The following DGKB variants were observed in gnomAD, a reference collection of about 807,000 sequenced individuals.
DGKB encodes the protein 90 kDa diacylglycerol kinase.
A neutral mutation model predicts 114.3 loss-of-function variants in DGKB; 67 were observed. That is an observed-to-expected ratio of 0.59 (90% confidence interval 0.48 to 0.72). The LOEUF (loss-of-function observed/expected upper bound fraction) is 0.72. DGKB is among the 30% of genes least tolerant of loss of function. The pLI is 0.00. For synonymous variants in DGKB, 398 were observed against 323.1 expected (o/e 1.23, Z -2.49); for missense variants, 907 against 975.2 (o/e 0.93, Z 0.93).
At chr7:14,895,790 C>G (rs1387069688) in intron 1 of DGKB, among the ~76,000 whole-genome samples, 1 of 151,650 alleles carries the variant, frequency 6.6e-6, no homozygotes, top group Non-Finnish European at 1.5e-5. Flanking sequence ...CTTCCCAGAA[C>G]TAGCTGAGTA....
intron 21 of DGKB, among the ~76,000 whole-genome samples, chr7:14,405,557 T>C (rs1823805267): frequency 6.6e-6 from 1 of 152,040 alleles, no homozygotes; most frequent in Non-Finnish European, 1.5e-5. Flanking sequence ...ATCTGTATAA[T>C]GAATCTAACA....
chr7:14,450,848 C>A (rs910521991), intron 21 of DGKB, among the ~76,000 whole-genome samples: 4 of 151,964 alleles, frequency 2.6e-5, no homozygotes, highest in African/African-American at 9.7e-5. Flanking sequence ...GACTCTTGAA[C>A]AATGTGGACT....
intron 6 of DGKB, among the ~76,000 whole-genome samples, chr7:14,702,773 T>C (rs1217319700): frequency 6.6e-6 from 1 of 152,190 alleles, no homozygotes; most frequent in Admixed American, 6.5e-5. Flanking sequence ...ATGGTCTATT[T>C]GTAGGTGATT....
chr7:14,415,635 G>A (rs1350283758), intron 21 of DGKB, among the ~76,000 whole-genome samples: 6 of 152,158 alleles, frequency 3.9e-5, no homozygotes, highest in East Asian at 1.9e-4. Flanking sequence ...ATTCCATGGT[G>A]TATATGTGCC....
chr7:14,422,327 T>C (rs1410276662), intron 21 of DGKB, among the ~76,000 whole-genome samples: 1 of 152,108 alleles, frequency 6.6e-6, no homozygotes, highest in Non-Finnish European at 1.5e-5. Flanking sequence ...TTAACTTTTT[T>C]GTTGTTATTG....
rs927440540 is a variant in DGKB at position 14,180,058 on chromosome 7, G to A, written c.2123-1907C>T. ...CTTAGATATATGTCAACCAGAAAAC[G>A]ACATTGTGGCAAGCACTGAAGCCCC... On this transcript the variant is annotated intron_variant, in intron 23 of 25. Transcript: ENST00000402815. Among the ~76,000 whole-genome samples the A allele has an allele frequency of 4.6e-5, 7 of 152,132 alleles. No individual in the cohort carries two copies. The East Asian group carries it at 7.7e-4, about 17-fold the overall frequency.
rs188155933 is a variant in DGKB at position 14,309,189 on chromosome 7, C to A, written c.2122+29326G>T. Among the ~76,000 whole-genome samples, 10 of 152,140 alleles carry A rather than the reference C, an allele frequency of 6.6e-5. No individual in the cohort carries two copies. The East Asian group carries it at 1.7e-3, about 27-fold the overall frequency. ...CATTATTGTGCCACTGCACTCCAGT[C>A]TGGGTGACAGAGTGAGACCCTGTCT... On this transcript the variant is annotated intron_variant, in intron 23 of 25. Transcript: ENST00000402815.
intron 1 of DGKB, among the ~76,000 whole-genome samples, chr7:14,889,694 C>G (rs1298966992): frequency 1.3e-5 from 2 of 151,436 alleles, no homozygotes; most frequent in Non-Finnish European, 3.0e-5. Context: ...TATTCAATCT[C>G]TAAGCAATCT....
chr7:14,746,791 GC>G lies in DGKB; in HGVS notation c.168+7136del, dbSNP rs1833354924. Among the ~76,000 whole-genome samples the G allele has an allele frequency of 3.9e-5, 6 of 152,276 alleles. No individual in the cohort carries two copies. The South Asian group carries it at 1.0e-3, about 26-fold the overall frequency. On this transcript the variant is annotated intron_variant, in intron 4 of 25. Transcript: ENST00000402815. ...TGGGATTACAGGTGTGAGCCACCAT[GC>G]CCAGCCAATTTGCCTTTTTATTGGT...
At chr7:14,892,154 G>A (rs2215385) in intron 1 of DGKB, among the ~76,000 whole-genome samples, 48,383 of 151,196 alleles carry the variant, frequency 0.32, 10,041 homozygotes, top group Non-Finnish European at 0.45. Context: ...CTGGATATTG[G>A]TGGGAGGAAG....
chr7:14,784,397 T>G (rs548935134), intron 2 of DGKB, among the ~76,000 whole-genome samples: 18 of 146,912 alleles, frequency 1.2e-4, no homozygotes, highest in South Asian at 4.4e-4. Context: ...AGCTGGAGTC[T>G]CACTCTGTAG....
intron 20 of DGKB, among the ~76,000 whole-genome samples, chr7:14,495,097 A>T (rs750103797): frequency 6.6e-6 from 1 of 151,866 alleles, no homozygotes; most frequent in Non-Finnish European, 1.5e-5. Flanking sequence ...TTTCAAGTTG[A>T]CCCATGATTC....
chr7:14,337,264 TCA>T, intron 23 of DGKB, among the ~76,000 whole-genome samples: 1 of 152,216 alleles, frequency 6.6e-6, no homozygotes, highest in East Asian at 1.9e-4. Context: ...AGCACGAACC[TCA>T]TTTTTTCTAT....
chr7:14,223,061 A>G (rs1371767379), intron 23 of DGKB, among the ~76,000 whole-genome samples: 2 of 151,624 alleles, frequency 1.3e-5, no homozygotes, highest in Admixed American at 6.6e-5. Flanking sequence ...GAGCATATAA[A>G]TAGATCTTGT....
chr7:14,223,747 T>C (rs568486105), intron 23 of DGKB, among the ~76,000 whole-genome samples: 1 of 151,908 alleles, frequency 6.6e-6, no homozygotes. Flanking sequence ...TTGCTTTCAT[T>C]TATGAGAGAC....
chr7:14,773,514 G>C lies in DGKB; in HGVS notation c.71-15783C>G, dbSNP rs184783354. 4.4e-3 allele frequency among the ~76,000 whole-genome samples: 671 copies of C among 152,186 alleles called. 8 individuals are homozygous for C. Among genetic ancestry groups the C allele is most frequent in the African/African-American group, 0.015 (628 of 41,522 alleles). On this transcript the variant is annotated intron_variant, in intron 2 of 25. Transcript: ENST00000402815. ...AGAATGACAGAGAAGGTAATGAAGAGACCACAAGAGTGAGAAAAGCAAAAA... is the reference window on the plus strand; with the variant it reads ...AGAATGACAGAGAAGGTAATGAAGACACCACAAGAGTGAGAAAAGCAAAAA...
chr7:14,447,032 C>T (rs1830815649), intron 21 of DGKB, among the ~76,000 whole-genome samples: 1 of 152,156 alleles, frequency 6.6e-6, no homozygotes, highest in Non-Finnish European at 1.5e-5. Context: ...TAACTTGACC[C>T]ACTGCTAATT....
chr7:14,922,651 A>G (rs1784566345), intron 1 of DGKB, among the ~76,000 whole-genome samples: 1 of 152,128 alleles, frequency 6.6e-6, no homozygotes, highest in African/African-American at 2.4e-5. Context: ...CTAAGTTGTT[A>G]GCTAGGATAG....
intron 23 of DGKB, among the ~76,000 whole-genome samples, chr7:14,255,679 G>A (rs1437802077): frequency 6.6e-6 from 1 of 151,252 alleles, no homozygotes; most frequent in Non-Finnish European, 1.5e-5. Flanking sequence ...TCTCTCTATT[G>A]ATTCATTCAC....
Sources: gnomAD v4.1 joint callset for allele counts (sites outside exome capture counted in the v4.1 genomes callset) on GRCh38, gnomAD v4.1.1 for gene constraint, MANE v1.5 for transcripts, NCBI Gene and HGNC (gene_info 2026-07-23, HGNC 2026-07-21) for gene names.